The following CACNA2D1 variants were observed in gnomAD, a reference collection of about 807,000 sequenced individuals.
CACNA2D1 encodes calcium voltage-gated channel auxiliary subunit alpha2delta 1.
Under a neutral mutation model 171.5 loss-of-function variants are expected in CACNA2D1, and 53 were observed. The observed-to-expected ratio is 0.31, with a 90% CI of 0.25 to 0.39. The LOEUF (loss-of-function observed/expected upper bound fraction) is 0.39, where lower values mean the gene tolerates loss of function less well. Among genes scored for constraint, CACNA2D1 ranks in the 10% least tolerant of loss-of-function variants. The pLI, the probability that CACNA2D1 is intolerant of heterozygous loss-of-function variation, is 1.00. For synonymous variants in CACNA2D1, 442 were observed against 443.1 expected, an observed-to-expected ratio of 1.00 and a Z score of 0.03; for missense variants, 903 against 1,299.8, an observed-to-expected ratio of 0.69 and a Z score of 4.69.
intron 1 of CACNA2D1, among the ~76,000 whole-genome samples, chr7:82,364,265 G>T (rs1821427611): frequency 6.6e-6 from 1 of 152,160 alleles, no homozygotes; most frequent in Admixed American, 6.5e-5. Context: ...TTCTGGCTAG[G>T]GCACTGCAGC....
intron 10 of CACNA2D1, among the ~76,000 whole-genome samples, chr7:82,040,465 A>AAAC (rs1554367660): frequency 8.2e-5 from 12 of 146,980 alleles, no homozygotes; most frequent in African/African-American, 2.5e-4. Flanking sequence ...AAAAAAAAAA[A>AAAC]AAAAAACAGA....
At chr7:82,189,830 T>C (rs534628724) in intron 3 of CACNA2D1, among the ~76,000 whole-genome samples, 19 of 151,884 alleles carry the variant, frequency 1.3e-4, no homozygotes, top group Non-Finnish European at 2.7e-4. Flanking sequence ...TGGAAATAGA[T>C]TAAAAATGCA....
chr7:82,184,082 TTA>T (rs1797419923), intron 3 of CACNA2D1, among the ~76,000 whole-genome samples: 1 of 149,984 alleles, frequency 6.7e-6, no homozygotes, highest in African/African-American at 2.5e-5. Flanking sequence ...TAGGATGGTT[TTA>T]AAAAAAAAAA....
chr7:81,961,476 T>C (rs1412130779), intron 36 of CACNA2D1, among the ~76,000 whole-genome samples: 1 of 151,748 alleles, frequency 6.6e-6, no homozygotes, highest in East Asian at 1.9e-4. Context: ...GTTTAGTTAC[T>C]ATATAGAAAA....
chr7:81,967,717 T>C, intron 29 of CACNA2D1, 54 bp from the exon 30 acceptor site: 1 of 811,866 alleles, frequency 1.2e-6, no homozygotes, highest in Non-Finnish European at 2.1e-6. Context: ...AATACAACCT[T>C]TGCAATATGA....
At position 82,164,754 on chromosome 7, in the gene CACNA2D1, A is replaced by C. The variant is rs7809854; in HGVS notation, c.354+5796T>G. 4.0e-3 allele frequency among the ~76,000 whole-genome samples: 614 copies of C among 152,164 alleles called. 4 individuals carry two copies. The highest frequency in any genetic ancestry group is 0.018 in the South Asian group (88 of 4,830). On this transcript the variant is annotated intron_variant, in intron 4 of 38. Coordinates refer to ENST00000356860, the MANE Select transcript of CACNA2D1 (RefSeq NM_000722.4). ...GAAATGGATGGAAATACGTATATGG[A>C]GTAAATCTTCTTAGATTATGCATTA... is the stretch of plus-strand genomic sequence containing the variant.
chr7:82,297,072 C>CAAAAAAAAAAAAAAAA (rs57473351), intron 3 of CACNA2D1, among the ~76,000 whole-genome samples: 25 of 72,226 alleles, frequency 3.5e-4, no homozygotes, highest in Non-Finnish European at 5.4e-4. Context: ...CTGTGTCTAC[C>CAAAAAAAAAAAAAAAA]AAAAAAAAAA....
intron 7 of CACNA2D1, among the ~76,000 whole-genome samples, chr7:82,083,041 CTCT>C (rs1809992673): frequency 6.6e-6 from 1 of 151,864 alleles, no homozygotes; most frequent in South Asian, 2.1e-4. Context: ...CCTTCCTCTC[CTCT>C]TCTTGTTTTT....
At chr7:82,350,571 A>C (rs2129446013) in intron 1 of CACNA2D1, among the ~76,000 whole-genome samples, 1 of 152,318 alleles carries the variant, frequency 6.6e-6, no homozygotes, top group Non-Finnish European at 1.5e-5. Context: ...AGGCTGAGAC[A>C]GGAGAATGGC....
At chr7:82,086,038 A>G (rs1810448569) in intron 6 of CACNA2D1, among the ~76,000 whole-genome samples, 1 of 152,206 alleles carries the variant, frequency 6.6e-6, no homozygotes, top group Non-Finnish European at 1.5e-5. Flanking sequence ...CCCAGAGATT[A>G]GCAGACAGGG....
chr7:82,005,456 A>C lies in CACNA2D1; in HGVS notation c.1557T>G (p.Gly519=). The change falls in exon 18 of 39, where the codon GGT becomes GGG. Residue 519 remains glycine (G), a synonymous_variant. Coordinates refer to ENST00000356860, the MANE Select transcript of CACNA2D1 (RefSeq NM_000722.4). ...GAAGATTTGGATGTAATAAAACATA[A>C]CCATTAGGATCGATTGCAAAGTAAT... The part of the protein sequence containing the change: ...NGYYFAIDPN[G]YVLLHPNLQP... 1 of 1,600,066 alleles carries C rather than the reference A, an allele frequency of 6.2e-7. No homozygotes were observed. The highest frequency in any genetic ancestry group is 8.5e-7 in the Non-Finnish European group (1 of 1,171,194).
intron 3 of CACNA2D1, among the ~76,000 whole-genome samples, chr7:82,309,629 G>GTAAATATCTTT (rs1264732105): frequency 6.6e-6 from 1 of 152,098 alleles, no homozygotes; most frequent in Non-Finnish European, 1.5e-5. Flanking sequence ...CCAAATCCCT[G>GTAAATATCTTT]TAAATATCTT....
intron 3 of CACNA2D1, among the ~76,000 whole-genome samples, chr7:82,333,046 T>C (rs1335534912): frequency 2.6e-5 from 4 of 152,172 alleles, no homozygotes; most frequent in Non-Finnish European, 5.9e-5. Context: ...TCCAGCATTA[T>C]ATCTAACAAA....
chr7:82,300,636 G>C (rs1812879058), intron 3 of CACNA2D1, among the ~76,000 whole-genome samples: 1 of 151,982 alleles, frequency 6.6e-6, no homozygotes, highest in African/African-American at 2.4e-5. Flanking sequence ...TCCAACTTAA[G>C]GACATTATTA....
chr7:82,121,625 T>A (rs957753817), intron 5 of CACNA2D1, among the ~76,000 whole-genome samples: 1 of 152,186 alleles, frequency 6.6e-6, no homozygotes, highest in African/African-American at 2.4e-5. Context: ...GGTAGATGAA[T>A]AGATTTAGAA....
chr7:82,393,408 C>T (rs1001145909), intron 1 of CACNA2D1, among the ~76,000 whole-genome samples: 9 of 151,946 alleles, frequency 5.9e-5, no homozygotes, highest in Admixed American at 3.9e-4. Flanking sequence ...GCTCAAATAC[C>T]ACTACTGTAT....
At chr7:82,177,858 G>A (rs1330113131) in intron 3 of CACNA2D1, among the ~76,000 whole-genome samples, 5 of 152,012 alleles carry the variant, frequency 3.3e-5, no homozygotes, top group Non-Finnish European at 5.9e-5. Context: ...TTATAAAGAT[G>A]ACTAAACACT....
chr7:82,030,498 A>C (rs1802549006), intron 12 of CACNA2D1, among the ~76,000 whole-genome samples: 1 of 151,736 alleles, frequency 6.6e-6, no homozygotes, highest in African/African-American at 2.4e-5. Context: ...CACCTGAAAA[A>C]ACCTTTATAC....
At chr7:82,026,118 T>A (rs1334751767) in intron 12 of CACNA2D1, among the ~76,000 whole-genome samples, 1 of 151,436 alleles carries the variant, frequency 6.6e-6, no homozygotes, top group Non-Finnish European at 1.5e-5. Flanking sequence ...TTCTTTTGGT[T>A]ATCATTTGCA....
Sources: allele counts gnomAD v4.1 joint callset (sites outside exome capture counted in the v4.1 genomes callset), GRCh38; gene constraint gnomAD v4.1.1; transcripts MANE v1.5; gene names NCBI Gene and HGNC (gene_info 2026-07-23, HGNC 2026-07-21).